The following PRKD1 variants were observed in gnomAD, a reference collection of about 807,000 sequenced individuals.
PRKD1 encodes serine/threonine-protein kinase D1.
PRKD1 carries 63 observed loss-of-function variants against 95.9 expected under a neutral mutation model. That is an observed-to-expected ratio of 0.66 (90% CI 0.54 to 0.81). PRKD1 has a LOEUF of 0.81. Ranked by LOEUF, PRKD1 falls within the 30% of genes least tolerant of loss-of-function variation. The pLI is 0.00. For synonymous variants in PRKD1, 425 were observed against 423.1 expected, an observed-to-expected ratio of 1.00 and a Z score of -0.05; for missense variants, 1,048 against 1,165.3, an observed-to-expected ratio of 0.90 and a Z score of 1.47.
intron 2 of PRKD1, among the ~76,000 whole-genome samples, chr14:29,676,042 T>C (rs1436626855): frequency 6.6e-6 from 1 of 151,466 alleles, no homozygotes; most frequent in Non-Finnish European, 1.5e-5. Flanking sequence ...GACGCGTTAA[T>C]GGGTGCAGCA....
At chr14:29,642,528 A>C in intron 4 of PRKD1, among the ~76,000 whole-genome samples, 1 of 152,354 alleles carries the variant, frequency 6.6e-6, no homozygotes, top group African/African-American at 2.4e-5. Flanking sequence ...TCGAATCATA[A>C]TGCTGACAGA....
chr14:29,716,395 G>A (rs1159103422), intron 2 of PRKD1, among the ~76,000 whole-genome samples: 1 of 152,120 alleles, frequency 6.6e-6, no homozygotes, highest in African/African-American at 2.4e-5. Context: ...AACTTTTTCT[G>A]TAGGTCTTGC....
intron 1 of PRKD1, among the ~76,000 whole-genome samples, chr14:29,846,520 G>T (rs1892084047): frequency 6.6e-6 from 1 of 152,184 alleles, no homozygotes; most frequent in South Asian, 2.1e-4. Context: ...GAAGGAGCAA[G>T]GAGGGAAGTC....
At chr14:29,891,343 C>G (rs1893930867) in intron 1 of PRKD1, among the ~76,000 whole-genome samples, 1 of 152,138 alleles carries the variant, frequency 6.6e-6, no homozygotes. Context: ...GTGACAGCCT[C>G]TGTCCAATTC....
At chr14:29,615,522 C>G (rs1434928716) in intron 13 of PRKD1, among the ~76,000 whole-genome samples, 3 of 152,188 alleles carry the variant, frequency 2.0e-5, no homozygotes, top group Non-Finnish European at 4.4e-5. Context: ...GTTTCTCTGG[C>G]TATGAAAAGC....
At chr14:29,712,773 T>C (rs538194133) in intron 2 of PRKD1, among the ~76,000 whole-genome samples, 1 of 152,296 alleles carries the variant, frequency 6.6e-6, no homozygotes, top group Admixed American at 6.5e-5. Flanking sequence ...GGGATTTTTA[T>C]ATGGGTTGCA....
intron 2 of PRKD1, among the ~76,000 whole-genome samples, chr14:29,720,049 C>A (rs1469110462): frequency 6.6e-6 from 1 of 152,170 alleles, no homozygotes; most frequent in Non-Finnish European, 1.5e-5. Context: ...GTTAAAGGAC[C>A]AGGATTCCCT....
At chr14:29,844,841 A>ATTAT (rs1379507065) in intron 1 of PRKD1, among the ~76,000 whole-genome samples, 15 of 152,250 alleles carry the variant, frequency 9.9e-5, no homozygotes, top group Non-Finnish European at 1.6e-4. Context: ...ATGGTCCAAT[A>ATTAT]TGGCTGTGGA....
At chr14:29,732,946 G>T in intron 1 of PRKD1, among the ~76,000 whole-genome samples, 1 of 148,834 alleles carries the variant, frequency 6.7e-6, no homozygotes, top group Non-Finnish European at 1.5e-5. Flanking sequence ...CTTGGTTGAG[G>T]TTCACTGTGC....
Position 29,840,824 on chromosome 14 carries a change from CG to C in PRKD1, c.264+86424del, listed in dbSNP as rs1292422402. Among the ~76,000 whole-genome samples the C allele has an allele frequency of 5.9e-5, 9 of 152,270 alleles. No homozygotes were observed. The East Asian group carries it at 1.2e-3, about 20-fold the overall frequency. On this transcript the variant is annotated intron_variant, in intron 1 of 17. Transcript: ENST00000331968. ...CCCACTCACTATGACGAGAACAGCACGGGAAAGACCTGACCCCATGATTCAA... is the reference window on the plus strand; with the variant it reads ...CCCACTCACTATGACGAGAACAGCACGGAAAGACCTGACCCCATGATTCAA...
chr14:29,817,936 T>C (rs1039902869), intron 1 of PRKD1, among the ~76,000 whole-genome samples: 1 of 152,092 alleles, frequency 6.6e-6, no homozygotes. Flanking sequence ...CAAACACAAA[T>C]GACAAAAACA....
At chr14:29,834,826 T>C (rs1891549200) in intron 1 of PRKD1, among the ~76,000 whole-genome samples, 2 of 152,170 alleles carry the variant, frequency 1.3e-5, no homozygotes, top group South Asian at 2.1e-4. Context: ...AGGAAGAAAC[T>C]GACTCATCCA....
At chr14:29,789,037 C>T (rs1327618596) in intron 1 of PRKD1, among the ~76,000 whole-genome samples, 2 of 152,112 alleles carry the variant, frequency 1.3e-5, no homozygotes, top group African/African-American at 4.8e-5. Flanking sequence ...TAGGTGTGCG[C>T]TACTATGCCT....
intron 1 of PRKD1, among the ~76,000 whole-genome samples, chr14:29,876,634 C>CA (rs540460669): frequency 1.0e-3 from 128 of 128,426 alleles, no homozygotes; most frequent in African/African-American, 2.3e-3. Flanking sequence ...AATGGGCTTG[C>CA]AAAAAAAAAA....
intron 1 of PRKD1, among the ~76,000 whole-genome samples, chr14:29,767,091 C>A (rs553885143): frequency 6.6e-6 from 1 of 152,216 alleles, no homozygotes; most frequent in East Asian, 1.9e-4. Context: ...CAGGCCCCAA[C>A]CCTCACCTCC....
intron 1 of PRKD1, among the ~76,000 whole-genome samples, chr14:29,780,271 AG>A: frequency 6.6e-6 from 1 of 152,352 alleles, no homozygotes; most frequent in East Asian, 1.9e-4. Flanking sequence ...TGGCAACAAA[AG>A]CCAAAATTAA....
intron 1 of PRKD1, among the ~76,000 whole-genome samples, chr14:29,737,909 A>G (rs1165921841): frequency 6.6e-6 from 1 of 152,190 alleles, no homozygotes; most frequent in African/African-American, 2.4e-5. Flanking sequence ...ATCTAACACC[A>G]GACTATAGAG....
intron 13 of PRKD1, among the ~76,000 whole-genome samples, chr14:29,602,893 C>T (rs1181208377): frequency 1.3e-5 from 2 of 152,156 alleles, no homozygotes; most frequent in Non-Finnish European, 2.9e-5. Context: ...AAGTAAGTGA[C>T]AGATTAATGA....
chr14:29,692,299 G>T (rs1262013433), intron 2 of PRKD1, among the ~76,000 whole-genome samples: 1 of 151,846 alleles, frequency 6.6e-6, no homozygotes, highest in African/African-American at 2.4e-5. Flanking sequence ...GCACCTGTTG[G>T]ATGATTCCAT....
Sources: allele counts gnomAD v4.1 joint callset (sites outside exome capture counted in the v4.1 genomes callset), GRCh38; gene constraint gnomAD v4.1.1; transcripts MANE v1.5; gene names NCBI Gene and HGNC (gene_info 2026-07-23, HGNC 2026-07-21).